PLXND1: variants seen among roughly 807,000 people sequenced by gnomAD.
PLXND1 encodes plexin-D1.
Under a neutral mutation model 197.7 loss-of-function variants are expected in PLXND1, and 54 were observed. The ratio of observed to expected loss-of-function variants is 0.27; its 90% confidence interval spans 0.22 to 0.34. The LOEUF (loss-of-function observed/expected upper bound fraction) is 0.34. PLXND1 is among the 10% of genes least tolerant of loss of function. The probability of loss-of-function intolerance (pLI) is 1.00; values close to 1 mark genes in which losing one functional copy is unlikely to be tolerated. For missense variants in PLXND1, 2,127 were observed against 2,699.2 expected, an observed-to-expected ratio of 0.79 and a Z score of 4.70; for synonymous variants, 1,180 against 1,161.2, an observed-to-expected ratio of 1.02 and a Z score of -0.33.
At position 129,606,204 on chromosome 3, in the gene PLXND1, C is replaced by A; in HGVS notation, c.436G>T (p.Gly146Cys). ...LVVVCGSIYQ[G>C]FCQLRRRGNI... is the part of the protein sequence containing the mutation. ...CCCCGGCGCCGCAGCTGGCAGAAGC[C>A]CTGGTAGATGGACCCGCACACGACT... The change falls in exon 1 of 36, where the codon GGC becomes TGC. Residue 146 changes from glycine (G) to cysteine (C), a missense_variant. Coordinates refer to ENST00000324093, the MANE Select transcript of PLXND1 (RefSeq NM_015103.3). 1 of 1,574,506 alleles carries A rather than the reference C, an allele frequency of 6.4e-7. No homozygotes were observed. The highest frequency in any genetic ancestry group is 1.4e-5 in the African/African-American group (1 of 72,526).
intron 25 of PLXND1, among the ~76,000 whole-genome samples, chr3:129,564,565 C>A (rs2085110878): frequency 6.6e-6 from 1 of 152,238 alleles, no homozygotes; most frequent in South Asian, 2.1e-4. Context: ...CCACAATCCT[C>A]CAGGCAGCCC....
At chr3:129,593,766 A>C (rs1049132273) in intron 1 of PLXND1, among the ~76,000 whole-genome samples, 2 of 152,180 alleles carry the variant, frequency 1.3e-5, no homozygotes, top group Non-Finnish European at 2.9e-5. Flanking sequence ...GCGGGTATTC[A>C]GGCCCAGGCA....
intron 9 of PLXND1, among the ~76,000 whole-genome samples, chr3:129,576,114 T>A (rs2085310750): frequency 6.6e-6 from 1 of 152,186 alleles, no homozygotes; most frequent in African/African-American, 2.4e-5. Flanking sequence ...CTCTCCAGCA[T>A]CCCCAGTGAT....
chr3:129,560,293 A>G (rs1207829646), intron 31 of PLXND1, 37 bp downstream of exon 31: 7 of 1,300,718 alleles, frequency 5.4e-6, no homozygotes, highest in Middle Eastern at 1.8e-4. Flanking sequence ...GGAGCCTTGT[A>G]CCCACTGCAC....
chr3:129,568,395 T>G (rs908533073), intron 20 of PLXND1, among the ~76,000 whole-genome samples: 1 of 152,188 alleles, frequency 6.6e-6, no homozygotes, highest in Admixed American at 6.5e-5. Flanking sequence ...CACAGGGTAT[T>G]AATGATGGGT....
In PLXND1 at chr3:129,566,617, A is replaced by C; in HGVS notation, c.4101T>G (p.Tyr1367Ter). 1 of 1,605,654 alleles carries C rather than the reference A, an allele frequency of 6.2e-7. No homozygotes were observed. Among genetic ancestry groups the C allele is most frequent in the Non-Finnish European group, 8.5e-7 (1 of 1,173,420 alleles). ...GGGAGGGCAGCACGTAACGCTCTTC[A>C]TAAAGGGAGGAACACTGCAGAGGCA... ...RTFFPKCSSLYEERYVLPSQT... is the reference protein window; with the variant it reads ...RTFFPKCSSL The change falls in exon 23 of 36, where the codon TAT (tyrosine) becomes TAG (stop). Residue 1367 changes from tyrosine to a stop codon, truncating the protein, a stop_gained. Coordinates refer to ENST00000324093, the MANE Select transcript of PLXND1 (RefSeq NM_015103.3). LOFTEE classifies it high-confidence loss of function.
chr3:129,581,882 C>T (rs2085392754), intron 8 of PLXND1, among the ~76,000 whole-genome samples: 3 of 152,270 alleles, frequency 2.0e-5, no homozygotes. Context: ...AAGCAGGCTG[C>T]TGCCCAGTGT....
rs765589681 is a variant in PLXND1 at position 129,586,759 on chromosome 3, C to T, written c.1489-40G>A. The T allele has an allele frequency of 4.4e-6, 7 of 1,585,440 alleles. No individual in the cohort carries two copies. The East Asian group carries it at 1.6e-4, about 36-fold the overall frequency. On this transcript the variant is annotated intron_variant, in intron 2 of 35. Coordinates refer to ENST00000324093, the MANE Select transcript of PLXND1 (RefSeq NM_015103.3). ...GGCATCAGGGTGCTGGAGCCCATAG[C>T]AGGGGAGGCCAAACCCAGGGGACAA...
At position 129,606,079 on chromosome 3, in the gene PLXND1, C is replaced by T. The variant is rs1335358323; in HGVS notation, c.561G>A (p.Pro187=). The change falls in exon 1 of 36, where the codon CCG becomes CCA. Residue 187 remains proline (P), a synonymous_variant. Coordinates refer to ENST00000324093, the MANE Select transcript of PLXND1 (RefSeq NM_015103.3). ...GAACTAGCCCCACGGTGGACGCGTTCGGGTGGTTGGCCGCCACGTTCAGCA... is the reference window on the plus strand; with the variant it reads ...GAACTAGCCCCACGGTGGACGCGTTTGGGTGGTTGGCCGCCACGTTCAGCA... ...PSMLNVAANH[P]NASTVGLVLP... is the part of the protein sequence containing the mutation. 1.9e-6 allele frequency: 3 copies of T among 1,559,604 alleles called. No homozygotes were observed. The highest frequency in any genetic ancestry group is 1.4e-5 in the African/African-American group (1 of 73,778).
At chr3:129,604,350 G>T (rs986477901) in intron 1 of PLXND1, among the ~76,000 whole-genome samples, 3 of 152,192 alleles carry the variant, frequency 2.0e-5, no homozygotes, top group African/African-American at 7.2e-5. Context: ...GCAAAGGCTG[G>T]GCATTAAAAA....
chr3:129,558,599 A>C lies in PLXND1; in HGVS notation c.5298-24T>G. On this transcript the variant is annotated intron_variant, in intron 32 of 35. Coordinates refer to ENST00000324093, the MANE Select transcript of PLXND1 (RefSeq NM_015103.3). The surrounding 1 kb of genome is among the most constrained non-coding windows in gnomAD (Gnocchi z 4.1). ...GGCTGTGGGGTAGGGTGACAAAGAC[A>C]GTGAGGGTAGGGTGGGGTAGGAAGC... 6 of 1,611,418 alleles carry C rather than the reference A, an allele frequency of 3.7e-6. No individual in the cohort carries two copies. Among genetic ancestry groups the C allele is most frequent in the Non-Finnish European group, 5.1e-6 (6 of 1,178,290 alleles).
chr3:129,590,581 C>T (rs1333419642), intron 1 of PLXND1, among the ~76,000 whole-genome samples: 1 of 152,208 alleles, frequency 6.6e-6, no homozygotes, highest in Non-Finnish European at 1.5e-5. Context: ...TAAGCCCACA[C>T]TGATTACAAG....
In PLXND1 at chr3:129,566,650, A is replaced by G; in HGVS notation, c.4087-19T>C. ...AGGAACACTGCAGAGGCAGACCCCC[A>G]GCATCTCAGCGGGGCTGGACACCCC... is the stretch of plus-strand genomic sequence containing the variant. On this transcript the variant is annotated intron_variant, in intron 22 of 35. Transcript: ENST00000324093. The G allele has an allele frequency of 6.7e-7, 1 of 1,485,058 alleles. No individual in the cohort carries two copies. The highest frequency in any genetic ancestry group is 1.7e-5 in the Admixed American group (1 of 58,306). 92.0% of individuals were successfully genotyped at this position (1,485,058 alleles called of 1,614,324 possible). A position where few individuals can be genotyped will look rare whatever the true frequency, so the allele number is the denominator to read the frequency against.
chr3:129,592,438 T>A (rs1159399320), intron 1 of PLXND1, among the ~76,000 whole-genome samples: 1 of 152,224 alleles, frequency 6.6e-6, no homozygotes, highest in East Asian at 1.9e-4. Flanking sequence ...GGAACATAAG[T>A]TCTGGAAGGG....
At chr3:129,589,309 C>CGGGGGG in intron 2 of PLXND1, 42 bp downstream of exon 2, 6 of 643,996 alleles carry the variant, frequency 9.3e-6, no homozygotes, top group East Asian at 3.7e-5. Context: ...CCAGGGGAGC[C>CGGGGGG]TCCCACCCCC....
intron 2 of PLXND1, 39 bp downstream of exon 2, chr3:129,589,312 C>T (rs1395803055): frequency 2.3e-5 from 11 of 481,092 alleles, no homozygotes; most frequent in East Asian, 5.4e-5. Context: ...GGGGAGCCTC[C>T]CACCCCCACC....
At chr3:129,588,355 G>A (rs747196933) in intron 2 of PLXND1, among the ~76,000 whole-genome samples, 16 of 152,076 alleles carry the variant, frequency 1.1e-4, no homozygotes, top group Non-Finnish European at 2.4e-4. Context: ...CCTCATGGGT[G>A]TCGGGGGTGG....
rs201339031 is a variant in PLXND1, at chr3:129,574,434, C to T, written c.2587G>A (p.Glu863Lys). 3.7e-5 allele frequency: 60 copies of T among 1,613,118 alleles called. No homozygotes were observed. The highest frequency in any genetic ancestry group is 1.6e-4 in the Middle Eastern group (1 of 6,062). ...CACATGCACAGGTGACCCAGGTCTTCGCGGCCCAGGCACTGGGAACAGTCG... is the reference window on the plus strand; with the variant it reads ...CACATGCACAGGTGACCCAGGTCTTTGCGGCCCAGGCACTGGGAACAGTCG... Reference protein sequence around the residue: ...SPDCSQCLGREDLGHLCMWSD... With the variant: ...SPDCSQCLGRKDLGHLCMWSD... The change falls in exon 12 of 36, where the codon GAA (glutamate) becomes AAA (lysine). Residue 863 changes from glutamate (E) to lysine (K), a missense_variant. Around this residue, in one of 6 missense-constraint regions of PLXND1, gnomAD observed 1,095 missense variants for 1,259.8 expected, o/e 0.87. Transcript: ENST00000324093.
intron 29 of PLXND1, chr3:129,560,977 G>A: frequency 1.6e-6 from 1 of 631,604 alleles, no homozygotes; most frequent in South Asian, 1.5e-5. Context: ...AGATAAGTGA[G>A]ATCCAGAGAC....
Sources: allele counts gnomAD v4.1 joint callset (sites outside exome capture counted in the v4.1 genomes callset), GRCh38; gene constraint gnomAD v4.1.1; regional missense constraint gnomAD v4.1.1; non-coding constraint Gnocchi (gnomAD v3.1); transcripts MANE v1.5; gene names NCBI Gene and HGNC (gene_info 2026-07-23, HGNC 2026-07-21).